GAB2: variants seen among roughly 807,000 people sequenced by gnomAD.
GAB2 encodes GRB2 associated binding protein 2.
In GAB2, 26 loss-of-function variants were observed where a neutral mutation model predicts 65.5. The ratio of observed to expected loss-of-function variants is 0.40; its 90% CI spans 0.29 to 0.55. GAB2 has a LOEUF of 0.55. GAB2 is among the 20% of genes least tolerant of loss of function. The probability of loss-of-function intolerance (pLI) is 0.53; values close to 1 mark genes in which losing one functional copy is unlikely to be tolerated. For missense variants in GAB2, 884 were observed against 875.8 expected (o/e 1.01, Z -0.12); for synonymous variants, 321 against 329.6 (o/e 0.97, Z 0.28).
chr11:78,415,729 G>A (rs900764939), intron 1 of GAB2, among the ~76,000 whole-genome samples: 3 of 152,182 alleles, frequency 2.0e-5, no homozygotes, highest in African/African-American at 7.2e-5. Flanking sequence ...TGAAAAAGGT[G>A]CTTGACCCAA....
intron 1 of GAB2, among the ~76,000 whole-genome samples, chr11:78,357,423 C>T (rs375237491): frequency 2.6e-5 from 4 of 152,132 alleles, no homozygotes; most frequent in Admixed American, 2.0e-4. Context: ...TGGGATCTAA[C>T]TAAACTAAAG....
At chr11:78,270,051 G>A (rs1865972149) in intron 2 of GAB2, among the ~76,000 whole-genome samples, 1 of 152,134 alleles carries the variant, frequency 6.6e-6, no homozygotes, top group Non-Finnish European at 1.5e-5. Context: ...AGCCATCAGA[G>A]GTTAATATCG....
intron 2 of GAB2, among the ~76,000 whole-genome samples, chr11:78,270,817 C>T (rs1865991307): frequency 6.6e-6 from 1 of 152,250 alleles, no homozygotes; most frequent in Non-Finnish European, 1.5e-5. Context: ...CCTGTACATT[C>T]TCCAAGCTTT....
rs570254903 is a variant in GAB2, at chr11:78,247,969, T to TA, written c.620+2187dup. 1.4e-4 allele frequency among the ~76,000 whole-genome samples: 21 copies of TA among 152,352 alleles called. No homozygotes were observed. The East Asian group carries it at 3.9e-3, about 28-fold the overall frequency. ...GAAGAACATGACTTGGTCAAAGGCCTACAACAATGTGACTTCCTCAGCTGC... is the reference window on the plus strand; with the variant it reads ...GAAGAACATGACTTGGTCAAAGGCCTAACAACAATGTGACTTCCTCAGCTGC... On this transcript the variant is annotated intron_variant, in intron 3 of 9. Transcript: ENST00000361507.
At chr11:78,241,527 A>G (rs11501935) in intron 3 of GAB2, among the ~76,000 whole-genome samples, 2,666 of 152,302 alleles carry the variant, frequency 0.018, 91 homozygotes, top group African/African-American at 0.062. Flanking sequence ...AGAAAACTCA[A>G]TGAGGTACAA....
intron 1 of GAB2, among the ~76,000 whole-genome samples, chr11:78,340,838 G>T (rs1856080988): frequency 6.6e-6 from 1 of 152,104 alleles, no homozygotes; most frequent in African/African-American, 2.4e-5. Context: ...TAAGAAATTT[G>T]CCCAAGGTAA....
At chr11:78,289,813 C>CT (rs1866602775) in intron 1 of GAB2, among the ~76,000 whole-genome samples, 1 of 113,970 alleles carries the variant, frequency 8.8e-6, no homozygotes, top group Non-Finnish European at 1.7e-5. Context: ...AAGAACAGGA[C>CT]CTTTTTTTTT....
At chr11:78,314,763 AG>A (rs2134650245) in intron 1 of GAB2, among the ~76,000 whole-genome samples, 1 of 152,366 alleles carries the variant, frequency 6.6e-6, no homozygotes, top group African/African-American at 2.4e-5. Flanking sequence ...GGTTATGCAA[AG>A]GAACAAAAAC....
chr11:78,272,475 C>T (rs985574311), intron 2 of GAB2, among the ~76,000 whole-genome samples: 8 of 152,128 alleles, frequency 5.3e-5, no homozygotes, highest in Non-Finnish European at 1.0e-4. Context: ...TTTACCCCTG[C>T]CCTAGAGATT....
chr11:78,412,170 A>G (rs1857138927), intron 1 of GAB2, among the ~76,000 whole-genome samples: 1 of 152,138 alleles, frequency 6.6e-6, no homozygotes, highest in Non-Finnish European at 1.5e-5. Context: ...AAAATACTCA[A>G]ATTCTTGAAG....
chr11:78,378,515 C>T (rs1439994029), intron 1 of GAB2, among the ~76,000 whole-genome samples: 2 of 151,936 alleles, frequency 1.3e-5, no homozygotes, highest in African/African-American at 4.8e-5. Flanking sequence ...AGTCAAGATC[C>T]CATTCAATTC....
At chr11:78,355,681 A>T (rs372829767) in intron 1 of GAB2, among the ~76,000 whole-genome samples, 3 of 1,336 alleles carry the variant, frequency 2.2e-3, no homozygotes, top group African/African-American at 9.8e-3. Flanking sequence ...TGTCTCACTT[A>T]AAAAAAAAAA....
chr11:78,318,751 C>T (rs899960827), intron 1 of GAB2, among the ~76,000 whole-genome samples: 2 of 152,114 alleles, frequency 1.3e-5, no homozygotes, highest in Non-Finnish European at 2.9e-5. Flanking sequence ...AGGGCAATCA[C>T]TTAAAGGGAG....
At chr11:78,226,341 G>A (rs936802972) in intron 4 of GAB2, 124 bp downstream of exon 4, 10 of 751,618 alleles carry the variant, frequency 1.3e-5, no homozygotes, top group Non-Finnish European at 2.1e-5. Context: ...ATGTTTTTGA[G>A]TATCAGTGAC....
chr11:78,250,912 G>T (rs941575651), intron 2 of GAB2, among the ~76,000 whole-genome samples: 1 of 152,136 alleles, frequency 6.6e-6, no homozygotes, highest in Non-Finnish European at 1.5e-5. Flanking sequence ...GGGTGCACAT[G>T]GACATAAAGA....
intron 2 of GAB2, among the ~76,000 whole-genome samples, chr11:78,270,008 CCT>C (rs543745127): frequency 4.9e-4 from 75 of 152,224 alleles, no homozygotes; most frequent in Non-Finnish European, 9.7e-4. Context: ...CTTGTAGGTT[CCT>C]CTAAGAAGGA....
At chr11:78,266,185 A>ATCTGGGT (rs1865867749) in intron 2 of GAB2, among the ~76,000 whole-genome samples, 1 of 122,692 alleles carries the variant, frequency 8.2e-6, no homozygotes, top group Non-Finnish European at 1.6e-5. Context: ...ACTGCACTCC[A>ATCTGGGT]GCCTGGGTGA....
rs1864461935 is a variant in GAB2 at position 78,222,199 on chromosome 11, G to C, written c.1568-4C>G. The C allele has an allele frequency of 3.1e-6, 5 of 1,609,236 alleles. No individual in the cohort carries two copies. The highest frequency in any genetic ancestry group is 1.3e-5 in the African/African-American group (1 of 74,924). ...AGGTCAAGTGGTGTTGGCTTTGCTGGAGCAGGAAAAGAAAGTCTGGTAATC... is the reference window on the plus strand; with the variant it reads ...AGGTCAAGTGGTGTTGGCTTTGCTGCAGCAGGAAAAGAAAGTCTGGTAATC... On this transcript the variant is annotated splice_region_variant and splice_polypyrimidine_tract_variant and intron_variant, in intron 6 of 9. Coordinates refer to ENST00000361507, the MANE Select transcript of GAB2 (RefSeq NM_080491.3).
At chr11:78,370,136 A>C (rs1228108489) in intron 1 of GAB2, among the ~76,000 whole-genome samples, 1 of 150,284 alleles carries the variant, frequency 6.7e-6, no homozygotes, top group African/African-American at 2.4e-5. Flanking sequence ...GGGCGCCTGT[A>C]GTCCCAGCTA....
Sources: allele counts gnomAD v4.1 joint callset (sites outside exome capture counted in the v4.1 genomes callset), GRCh38; gene constraint gnomAD v4.1.1; transcripts MANE v1.5; gene names NCBI Gene and HGNC (gene_info 2026-07-23, HGNC 2026-07-21).